Variants in INPP4B observed in about 807,000 individuals in gnomAD.
INPP4B encodes the protein inositol polyphosphate 4-phosphatase type II.
Under a neutral mutation model 122.5 loss-of-function variants are expected in INPP4B, and 55 were observed. The observed-to-expected ratio is 0.45, with a 90% confidence interval of 0.36 to 0.56. The LOEUF is 0.56. INPP4B is among the 20% of genes least tolerant of loss of function. The probability of loss-of-function intolerance (pLI) is 0.00; values close to 1 mark genes in which losing one functional copy is unlikely to be tolerated. For missense variants in INPP4B, 1,000 were observed against 1,097.7 expected, an observed-to-expected ratio of 0.91 and a Z score of 1.26; for synonymous variants, 403 against 388.7, an observed-to-expected ratio of 1.04 and a Z score of -0.43.
chr4:142,512,302 T>G (rs1824820364), intron 2 of INPP4B, among the ~76,000 whole-genome samples: 1 of 152,126 alleles, frequency 6.6e-6, no homozygotes, highest in Non-Finnish European at 1.5e-5. Context: ...AAATCACAGT[T>G]CCTACCCTCA....
chr4:142,813,599 TA>T (rs1327203345), intron 1 of INPP4B, among the ~76,000 whole-genome samples: 1 of 152,126 alleles, frequency 6.6e-6, no homozygotes, highest in Non-Finnish European at 1.5e-5. Flanking sequence ...AATAAAGAAA[TA>T]AACAATATCA....
rs1193630220 is a variant in INPP4B at position 142,160,329 on chromosome 4, G to A, written c.1563+29C>T. 5.2e-6 allele frequency: 7 copies of A among 1,343,008 alleles called. No individual in the cohort carries two copies. In the East Asian group the frequency reaches 1.4e-4, roughly 27 times the overall value. 83.2% of individuals were successfully genotyped at this position (1,343,008 alleles called of 1,614,324 possible). A position where few individuals can be genotyped will look rare whatever the true frequency, so the allele number is the denominator to read the frequency against. On this transcript the variant is annotated intron_variant, in intron 17 of 25. Transcript: ENST00000262992. ...ACCTTATTTCTCATTGCCAAACATTGAGAGGCAAGCGATATACAAGAGACT... is the reference window on the plus strand; with the variant it reads ...ACCTTATTTCTCATTGCCAAACATTAAGAGGCAAGCGATATACAAGAGACT...
chr4:142,489,445 G>C (rs564481500), intron 2 of INPP4B, among the ~76,000 whole-genome samples: 302 of 152,302 alleles, frequency 2.0e-3, no homozygotes, highest in African/African-American at 7.0e-3. Flanking sequence ...CCAGGCTGGA[G>C]TGCAGTGGCA....
At chr4:142,824,125 GC>G (rs145179233) in intron 1 of INPP4B, among the ~76,000 whole-genome samples, 4 of 151,808 alleles carry the variant, frequency 2.6e-5, no homozygotes, top group Admixed American at 2.6e-4. Context: ...TTAAACCATG[GC>G]CCCCCCAGGT....
chr4:142,655,899 C>A (rs1754041931), intron 2 of INPP4B, among the ~76,000 whole-genome samples: 4 of 152,180 alleles, frequency 2.6e-5, no homozygotes, highest in Admixed American at 2.0e-4. Flanking sequence ...ATGACTAATA[C>A]CATTCCTTAA....
chr4:142,423,923 C>T, intron 5 of INPP4B: 1 of 336,166 alleles, frequency 3.0e-6, no homozygotes, highest in Non-Finnish European at 5.8e-6. Context: ...ATACTGTTTT[C>T]ATTTTCCTTC....
intron 2 of INPP4B, among the ~76,000 whole-genome samples, chr4:142,634,789 A>C (rs1748728530): frequency 6.6e-6 from 1 of 152,078 alleles, no homozygotes; most frequent in South Asian, 2.1e-4. Flanking sequence ...CATTTCTATC[A>C]ATATTATAGT....
At chr4:142,734,064 A>G (rs1766472356) in intron 1 of INPP4B, among the ~76,000 whole-genome samples, 1 of 152,200 alleles carries the variant, frequency 6.6e-6, no homozygotes, top group Non-Finnish European at 1.5e-5. Context: ...AAGCTCTAAC[A>G]CTCAGTTAGA....
chr4:142,125,293 T>C (rs773080149), intron 18 of INPP4B, among the ~76,000 whole-genome samples: 5 of 151,978 alleles, frequency 3.3e-5, no homozygotes. Context: ...TCAACAGTGT[T>C]GCCAGAAACA....
intron 1 of INPP4B, among the ~76,000 whole-genome samples, chr4:142,733,502 A>G (rs1766392057): frequency 1.3e-5 from 2 of 152,306 alleles, no homozygotes; most frequent in African/African-American, 4.8e-5. Context: ...AAGGCTTTCA[A>G]ATTTTCAATA....
intron 2 of INPP4B, among the ~76,000 whole-genome samples, chr4:142,648,851 C>G (rs913887197): frequency 6.6e-6 from 1 of 152,218 alleles, no homozygotes; most frequent in African/African-American, 2.4e-5. Context: ...GTAGTTCTCC[C>G]AGCATGGTGG....
intron 17 of INPP4B, among the ~76,000 whole-genome samples, chr4:142,152,813 A>G (rs974343343): frequency 6.6e-6 from 1 of 152,208 alleles, no homozygotes; most frequent in Non-Finnish European, 1.5e-5. Flanking sequence ...ATATCTTTCA[A>G]TACCTCTGCT....
intron 2 of INPP4B, among the ~76,000 whole-genome samples, chr4:142,638,709 C>T (rs748133267): frequency 1.4e-4 from 22 of 151,920 alleles, no homozygotes; most frequent in Non-Finnish European, 2.2e-4. Flanking sequence ...CCATGTCCGG[C>T]TAATTTTTTG....
intron 1 of INPP4B, among the ~76,000 whole-genome samples, chr4:142,789,432 C>T (rs1381434240): frequency 6.6e-6 from 1 of 152,050 alleles, no homozygotes; most frequent in Admixed American, 6.6e-5. Context: ...CTTCTATACA[C>T]CTACAGTGAC....
intron 1 of INPP4B, chr4:142,766,854 T>C (rs1772227837): frequency 6.6e-6 from 1 of 152,162 alleles, no homozygotes; most frequent in Admixed American, 6.6e-5. Context: ...GAAGAATACA[T>C]GTACATGTGG....
chr4:142,775,314 T>C (rs965396629), intron 1 of INPP4B, among the ~76,000 whole-genome samples: 6 of 151,196 alleles, frequency 4.0e-5, no homozygotes, highest in Non-Finnish European at 7.4e-5. Context: ...AAAGAATGGA[T>C]AGTTATGCTC....
chr4:142,443,621 C>G (rs554104903), intron 3 of INPP4B, among the ~76,000 whole-genome samples: 24 of 152,088 alleles, frequency 1.6e-4, no homozygotes, highest in Admixed American at 7.2e-4. Flanking sequence ...CCTCTGCCCC[C>G]GCCACCAGGC....
intron 23 of INPP4B, among the ~76,000 whole-genome samples, chr4:142,107,530 G>C (rs752980139): frequency 6.6e-6 from 1 of 152,046 alleles, no homozygotes; most frequent in East Asian, 1.9e-4. Flanking sequence ...TTGGACAATG[G>C]CCCCCTCCAA....
intron 2 of INPP4B, among the ~76,000 whole-genome samples, chr4:142,620,171 G>T (rs192650918): frequency 6.6e-6 from 1 of 151,730 alleles, no homozygotes; most frequent in African/African-American, 2.4e-5. Context: ...CTAAAGAAAC[G>T]TAAGTAGCTC....
Sources: allele counts gnomAD v4.1 joint callset (sites outside exome capture counted in the v4.1 genomes callset), GRCh38; gene constraint gnomAD v4.1.1; transcripts MANE v1.5; gene names NCBI Gene and HGNC (gene_info 2026-07-23, HGNC 2026-07-21).